Variants in THSD7A observed in about 807,000 individuals in gnomAD.
THSD7A encodes thrombospondin type 1 domain containing 7A.
THSD7A carries 96 observed loss-of-function variants against 231.3 expected under a neutral mutation model. The observed-to-expected ratio is 0.41, with a 90% CI of 0.35 to 0.49. THSD7A has a LOEUF of 0.49. Among genes scored for constraint, THSD7A ranks in the 20% least tolerant of loss-of-function variants. THSD7A has a pLI of 0.05. For missense variants in THSD7A, 2,290 were observed against 2,070.2 expected (o/e 1.11, Z -2.06); for synonymous variants, 940 against 743.3 (o/e 1.26, Z -4.30).
rs998774663 is a variant in THSD7A, at chr7:11,411,431, C to T, written c.3683-109G>A. On this transcript the variant is annotated intron_variant, in intron 18 of 27. Coordinates refer to ENST00000423059, the MANE Select transcript of THSD7A (RefSeq NM_015204.3). The surrounding 1 kb of genome is among the most constrained non-coding windows in gnomAD (Gnocchi z 4.1). ...TTTAATTCACAACTGCTTCCTAAGC[C>T]CCATAATCAATCATCCCCCATGCAG... 1.4e-6 allele frequency: 1 copy of T among 716,614 alleles called. No homozygotes were observed. Among genetic ancestry groups the T allele is most frequent in the East Asian group, 2.7e-5 (1 of 37,658 alleles). 44.4% of individuals were successfully genotyped at this position (716,614 alleles called of 1,614,324 possible). A position where few individuals can be genotyped will look rare whatever the true frequency, so the allele number is the denominator to read the frequency against.
intron 26 of THSD7A, among the ~76,000 whole-genome samples, chr7:11,378,358 T>C (rs1201493213): frequency 2.0e-5 from 3 of 152,196 alleles, no homozygotes; most frequent in Non-Finnish European, 2.9e-5. Context: ...GGGATGAGCA[T>C]ATGATGAAAT....
At chr7:11,772,178 G>C (rs1406653509) in intron 1 of THSD7A, among the ~76,000 whole-genome samples, 1 of 151,066 alleles carries the variant, frequency 6.6e-6, no homozygotes, top group South Asian at 2.1e-4. Context: ...TCTCACACCA[G>C]TCAGAATTAT....
intron 7 of THSD7A, among the ~76,000 whole-genome samples, chr7:11,475,550 T>A (rs1186178969): frequency 2.7e-5 from 4 of 149,434 alleles, no homozygotes; most frequent in Non-Finnish European, 5.9e-5. Context: ...ATCAGGGTTA[T>A]AAGTATATAT....
At position 11,721,516 on chromosome 7, in the gene THSD7A, G is replaced by A. The variant is rs531708336; in HGVS notation, c.191-84555C>T. Among the ~76,000 whole-genome samples, 393 of 143,122 alleles carry A rather than the reference G, an allele frequency of 2.7e-3. 1 individual carries two copies. The highest frequency in any genetic ancestry group is 9.8e-3 in the African/African-American group (381 of 39,074). The allele number at this position is 143,122 out of a possible 152,430, so 93.9% of individuals were successfully genotyped here. On this transcript the variant is annotated intron_variant, in intron 1 of 27. Coordinates refer to ENST00000423059, the MANE Select transcript of THSD7A (RefSeq NM_015204.3). The stretch of plus-strand genomic sequence containing the variant: ...CAACCATGTTTCCTATACAGCCTAC[G>A]GAACTGTGAGTCAATAAAACCTCTT...
chr7:11,818,735 G>T (rs1302493867), intron 1 of THSD7A, among the ~76,000 whole-genome samples: 1 of 152,158 alleles, frequency 6.6e-6, no homozygotes, highest in Non-Finnish European at 1.5e-5. Context: ...TCACCAGCTT[G>T]CAGGCTTAAC....
At chr7:11,698,125 C>A (rs940422133) in intron 1 of THSD7A, among the ~76,000 whole-genome samples, 29 of 151,384 alleles carry the variant, frequency 1.9e-4, no homozygotes, top group African/African-American at 6.8e-4. Flanking sequence ...TCCAAAATGG[C>A]AATTTGTTGA....
At position 11,636,797 on chromosome 7, in the gene THSD7A, T is replaced by C. The variant is rs756479768; in HGVS notation, c.355A>G (p.Lys119Glu). 1 of 1,614,012 alleles carries C rather than the reference T, an allele frequency of 6.2e-7. No homozygotes were observed. Among genetic ancestry groups the C allele is most frequent in the Non-Finnish European group, 8.5e-7 (1 of 1,179,878 alleles). Residue 119 changes from lysine to glutamate, a missense_variant, in exon 2 of 28, where the codon AAA becomes GAA. Transcript: ENST00000423059. This position sits in a 1 kb window ranked among gnomAD's most constrained non-coding sequence, Gnocchi z 10.0. ...CCCAGTCTCCAGTCGTACAACTCTT[T>C]GTGCCAATCGCAAACTTTGAAACAA... ...QNCFKVCDWH[K>E]ELYDWRLGPW...
At chr7:11,442,771 T>C (rs527452274) in intron 13 of THSD7A, among the ~76,000 whole-genome samples, 1 of 152,148 alleles carries the variant, frequency 6.6e-6, no homozygotes, top group South Asian at 2.1e-4. Context: ...AATTGGACAT[T>C]CCGTCAGATA....
At chr7:11,520,541 A>T (rs1293417106) in intron 6 of THSD7A, among the ~76,000 whole-genome samples, 1 of 152,204 alleles carries the variant, frequency 6.6e-6, no homozygotes, top group Non-Finnish European at 1.5e-5. Context: ...TCATGTATAT[A>T]TCTTTGCATA....
intron 13 of THSD7A, among the ~76,000 whole-genome samples, chr7:11,432,019 A>G (rs1390286133): frequency 6.6e-6 from 1 of 152,166 alleles, no homozygotes; most frequent in African/African-American, 2.4e-5. Flanking sequence ...AATTTAATCT[A>G]TAAGATTGTG....
chr7:11,568,876 G>A (rs1224614202), intron 4 of THSD7A, among the ~76,000 whole-genome samples: 1 of 151,082 alleles, frequency 6.6e-6, no homozygotes, highest in Non-Finnish European at 1.5e-5. Flanking sequence ...TAAAATTTCA[G>A]TAAAGTTGCA....
At chr7:11,696,895 C>G (rs1780420800) in intron 1 of THSD7A, among the ~76,000 whole-genome samples, 1 of 151,264 alleles carries the variant, frequency 6.6e-6, no homozygotes, top group African/African-American at 2.4e-5. Flanking sequence ...TCAGTTCTAA[C>G]TGATTATGGC....
At chr7:11,705,832 T>C (rs1467109857) in intron 1 of THSD7A, among the ~76,000 whole-genome samples, 2 of 151,002 alleles carry the variant, frequency 1.3e-5, no homozygotes, top group African/African-American at 4.8e-5. Context: ...TTCCATATTG[T>C]TCCAATATTG....
At chr7:11,624,556 A>G (rs1024735516) in intron 2 of THSD7A, among the ~76,000 whole-genome samples, 1 of 152,064 alleles carries the variant, frequency 6.6e-6, no homozygotes, top group African/African-American at 2.4e-5. Context: ...GGTAAGTTCT[A>G]TACATTTCTG....
rs1219135740 is a variant in THSD7A at position 11,769,122 on chromosome 7, A to AATATAT, written c.190+62629_190+62634dup. Among the ~76,000 whole-genome samples, 92 of 35,870 alleles carry AATATAT rather than the reference A, an allele frequency of 2.6e-3. 2 individuals are homozygous for AATATAT. Among genetic ancestry groups the AATATAT allele is most frequent in the African/African-American group, 3.4e-3 (33 of 9,782 alleles). 23.5% of individuals were successfully genotyped at this position (35,870 alleles called of 152,430 possible). A position where few individuals can be genotyped will look rare whatever the true frequency, so the allele number is the denominator to read the frequency against. ...ACAGGCACCTGCCATAATTCCTGGC[A>AATATAT]ATATATATATATATATATATATATA... On this transcript the variant is annotated intron_variant, in intron 1 of 27. Coordinates refer to ENST00000423059, the MANE Select transcript of THSD7A (RefSeq NM_015204.3).
rs1790520836 is a variant in THSD7A, at chr7:11,569,284, C to T, written c.1453+21176G>A. Among the ~76,000 whole-genome samples, 3 of 152,142 alleles carry T rather than the reference C, an allele frequency of 2.0e-5. No individual in the cohort carries two copies. The South Asian group carries it at 6.2e-4, about 32-fold the overall frequency. ...AGAAAATATTTGCAAACTATTCATC[C>T]AACAAGGCACTAACGTCTAGAATAT... On this transcript the variant is annotated intron_variant, in intron 4 of 27. Transcript: ENST00000423059.
At chr7:11,762,456 G>A (rs760851625) in intron 1 of THSD7A, among the ~76,000 whole-genome samples, 1 of 151,926 alleles carries the variant, frequency 6.6e-6, no homozygotes, top group Non-Finnish European at 1.5e-5. Context: ...GTATCTTATG[G>A]CTTTAATTTG....
chr7:11,576,698 A>T (rs1790922830), intron 4 of THSD7A, among the ~76,000 whole-genome samples: 1 of 152,226 alleles, frequency 6.6e-6, no homozygotes, highest in Non-Finnish European at 1.5e-5. Context: ...TGGTTCAAAT[A>T]ACTGTGAACA....
intron 6 of THSD7A, among the ~76,000 whole-genome samples, chr7:11,501,903 G>C (rs1054471905): frequency 6.6e-6 from 1 of 151,982 alleles, no homozygotes; most frequent in African/African-American, 2.4e-5. Context: ...TAATAGAAGA[G>C]AGAAAAGCCA....
Sources: gnomAD v4.1 joint callset for allele counts (sites outside exome capture counted in the v4.1 genomes callset) on GRCh38, gnomAD v4.1.1 for gene constraint, Gnocchi (gnomAD v3.1) non-coding constraint, MANE v1.5 for transcripts, NCBI Gene and HGNC (gene_info 2026-07-23, HGNC 2026-07-21) for gene names.